Variants in LARGE1 observed in about 807,000 individuals in gnomAD.
LARGE1 encodes the protein LARGE xylosyl- and glucuronyltransferase 1.
Under a neutral mutation model 87.6 loss-of-function variants are expected in LARGE1, and 43 were observed. The ratio of observed to expected loss-of-function variants is 0.49; its 90% confidence interval spans 0.38 to 0.63. The LOEUF is 0.63. Ranked by LOEUF, LARGE1 falls within the 30% of genes least tolerant of loss-of-function variation. LARGE1 has a pLI of 0.00. For missense variants in LARGE1, 802 were observed against 1,000.2 expected (o/e 0.80, Z 2.67); for synonymous variants, 434 against 394.6 (o/e 1.10, Z -1.18).
At chr22:33,855,075 C>T (rs2063719136) in intron 1 of LARGE1, among the ~76,000 whole-genome samples, 1 of 152,150 alleles carries the variant, frequency 6.6e-6, no homozygotes, top group Non-Finnish European at 1.5e-5. Flanking sequence ...TGGCTCACGC[C>T]TGTAATCTCA....
intron 6 of LARGE1, among the ~76,000 whole-genome samples, chr22:33,540,729 A>G (rs1423571696): frequency 2.1e-4 from 32 of 152,098 alleles, no homozygotes; most frequent in Non-Finnish European, 2.9e-5. Flanking sequence ...CTTGGCTGAT[A>G]TGGGGTAGAC....
At chr22:33,419,130 A>C (rs1408045763) in intron 7 of LARGE1, among the ~76,000 whole-genome samples, 1 of 152,142 alleles carries the variant, frequency 6.6e-6, no homozygotes, top group Non-Finnish European at 1.5e-5. Context: ...CACGTCTTAC[A>C]TGGTGGCAGG....
chr22:33,180,178 C>A (rs73881977), intron 11 of LARGE1, among the ~76,000 whole-genome samples: 4,596 of 152,262 alleles, frequency 0.03, 98 homozygotes, highest in Admixed American at 0.057. Context: ...ACAAATTACC[C>A]AGTATCAGTT....
chr22:33,154,595 T>C, the LARGE1 span, among the ~76,000 whole-genome samples: 1 of 152,198 alleles, frequency 6.6e-6, no homozygotes. Flanking sequence ...GTGACTACGC[T>C]TTCTCTGAGA....
intron 2 of LARGE1, among the ~76,000 whole-genome samples, chr22:33,670,000 G>A (rs752140446): frequency 6.6e-6 from 1 of 152,106 alleles, no homozygotes; most frequent in Non-Finnish European, 1.5e-5. Context: ...ATGTGAGGTC[G>A]CAGGATGCAA....
At chr22:33,373,443 G>A (rs1433979636) in intron 9 of LARGE1, among the ~76,000 whole-genome samples, 1 of 152,132 alleles carries the variant, frequency 6.6e-6, no homozygotes, top group African/African-American at 2.4e-5. Context: ...CATTTAGAAT[G>A]GTAATTTCAC....
chr22:33,537,303 G>A (rs752005383), intron 6 of LARGE1, among the ~76,000 whole-genome samples: 1 of 152,192 alleles, frequency 6.6e-6, no homozygotes, highest in Non-Finnish European at 1.5e-5. Context: ...GGGAGAATTC[G>A]ATTCCCTGCT....
the LARGE1 span, chr22:33,110,404 T>C: frequency 6.6e-6 from 1 of 152,272 alleles, no homozygotes; most frequent in Non-Finnish European, 1.5e-5. Flanking sequence ...CTGGGGCTTC[T>C]GCAGATATTG....
intron 5 of LARGE1, 84 bp from the exon 6 acceptor site, chr22:33,565,103 T>G (rs1178152850): frequency 3.3e-6 from 4 of 1,204,618 alleles, no homozygotes; most frequent in Non-Finnish European, 4.9e-6. Context: ...TTATAAATAG[T>G]GCCTAGCACA....
intron 9 of LARGE1, among the ~76,000 whole-genome samples, chr22:33,378,206 G>A (rs1406580248): frequency 6.6e-6 from 1 of 152,084 alleles, no homozygotes; most frequent in Non-Finnish European, 1.5e-5. Flanking sequence ...CCAAGTGCCT[G>A]GCAAATTTTT....
chr22:33,334,419 A>C (rs973257570), intron 10 of LARGE1, among the ~76,000 whole-genome samples: 15 of 72,038 alleles, frequency 2.1e-4, no homozygotes, highest in East Asian at 8.6e-4. Context: ...CAAAAAAAAA[A>C]AAACAAAAAA....
At chr22:33,089,344 T>TCTC in the LARGE1 span, among the ~76,000 whole-genome samples, 18 of 75,116 alleles carry the variant, frequency 2.4e-4, no homozygotes, top group African/African-American at 1.0e-3. Flanking sequence ...TTCTTCTTCT[T>TCTC]CTTCTTCTTC....
At chr22:33,861,548 C>T (rs1279566241) in intron 1 of LARGE1, 1 of 152,294 alleles carries the variant, frequency 6.6e-6, no homozygotes, top group Non-Finnish European at 1.5e-5. Flanking sequence ...AAGCCTCAGG[C>T]TCCTCACCCA....
intron 7 of LARGE1, among the ~76,000 whole-genome samples, chr22:33,392,540 T>C (rs1569122988): frequency 6.6e-6 from 1 of 152,100 alleles, no homozygotes; most frequent in Non-Finnish European, 1.5e-5. Context: ...GTGCCTGTAA[T>C]CACAGTTACT....
At chr22:33,122,151 A>G in the LARGE1 span, among the ~76,000 whole-genome samples, 1 of 152,114 alleles carries the variant, frequency 6.6e-6, no homozygotes, top group African/African-American at 2.4e-5. Flanking sequence ...TAATCTTGTC[A>G]TAATTAACTG....
At chr22:33,750,968 C>T (rs1374472353) in intron 2 of LARGE1, 1 of 152,192 alleles carries the variant, frequency 6.6e-6, no homozygotes, top group Non-Finnish European at 1.5e-5. Flanking sequence ...CAAAGCCCAA[C>T]AATGACATAG....
chr22:33,589,593 C>G (rs1249961753), intron 5 of LARGE1, among the ~76,000 whole-genome samples: 1 of 152,078 alleles, frequency 6.6e-6, no homozygotes, highest in African/African-American at 2.4e-5. Flanking sequence ...GTGAACTCCA[C>G]TTCCCTTCTG....
At chr22:33,402,038 G>A (rs894593668) in intron 7 of LARGE1, among the ~76,000 whole-genome samples, 1 of 152,158 alleles carries the variant, frequency 6.6e-6, no homozygotes. Context: ...TTCTTGATGG[G>A]ATCCTGATTG....
intron 1 of LARGE1, among the ~76,000 whole-genome samples, chr22:33,901,814 T>G (rs77016292): frequency 6.6e-6 from 1 of 152,232 alleles, no homozygotes; most frequent in Non-Finnish European, 1.5e-5. Context: ...CCACATCGTA[T>G]AGCAAATGGC....
Sources: allele counts gnomAD v4.1 joint callset (sites outside exome capture counted in the v4.1 genomes callset), GRCh38; gene constraint gnomAD v4.1.1; transcripts MANE v1.5; gene names NCBI Gene and HGNC (gene_info 2026-07-23, HGNC 2026-07-21).